TAFA4: variants seen among roughly 807,000 people sequenced by gnomAD.
TAFA4 encodes TAFA chemokine like family member 4, also known as chemokine-like protein TAFA-4.
Under a neutral mutation model 21.1 loss-of-function variants are expected in TAFA4, and 20 were observed. The observed-to-expected ratio is 0.95, with a 90% CI of 0.67 to 1.38. The LOEUF is 1.38. Ranked by LOEUF, TAFA4 falls within the 40% of genes most tolerant of loss-of-function variation. The probability of loss-of-function intolerance (pLI) is 0.00; values close to 1 mark genes in which losing one functional copy is unlikely to be tolerated. For synonymous variants in TAFA4, 71 were observed against 67.4 expected, an observed-to-expected ratio of 1.05 and a Z score of -0.26; for missense variants, 211 against 180.9, an observed-to-expected ratio of 1.17 and a Z score of -0.95.
At chr3:68,746,020 C>A (rs1421235834) in intron 4 of TAFA4, among the ~76,000 whole-genome samples, 1 of 152,174 alleles carries the variant, frequency 6.6e-6, no homozygotes, top group Non-Finnish European at 1.5e-5. Flanking sequence ...CACCTGCCAG[C>A]ACAGCTAGGA....
chr3:68,876,915 C>T (rs1006336935), intron 3 of TAFA4, among the ~76,000 whole-genome samples: 4 of 152,156 alleles, frequency 2.6e-5, no homozygotes, highest in African/African-American at 7.2e-5. Flanking sequence ...TTATTATAAC[C>T]GTGAGACTTA....
At chr3:68,771,743 AACG>A (rs998668375) in intron 3 of TAFA4, among the ~76,000 whole-genome samples, 36 of 140,548 alleles carry the variant, frequency 2.6e-4, no homozygotes, top group African/African-American at 1.2e-3. Context: ...CTAACCACAC[AACG>A]CCTTTCTAGA....
chr3:68,791,634 A>G (rs970930492), intron 3 of TAFA4, among the ~76,000 whole-genome samples: 1 of 152,234 alleles, frequency 6.6e-6, no homozygotes, highest in Non-Finnish European at 1.5e-5. Context: ...AGAAAATAAG[A>G]AAATAAATGA....
At chr3:68,862,645 G>A (rs2089360618) in intron 3 of TAFA4, among the ~76,000 whole-genome samples, 1 of 151,976 alleles carries the variant, frequency 6.6e-6, no homozygotes, top group Non-Finnish European at 1.5e-5. Context: ...GCCACCTTCT[G>A]AGCTATCAAC....
intron 4 of TAFA4, among the ~76,000 whole-genome samples, chr3:68,751,968 T>TA (rs1178290313): frequency 1.3e-5 from 2 of 152,192 alleles, no homozygotes; most frequent in South Asian, 2.1e-4. Flanking sequence ...ATGGTGCTGA[T>TA]GTATACCACT....
chr3:68,761,216 C>T (rs950524493), intron 3 of TAFA4, among the ~76,000 whole-genome samples: 3 of 152,174 alleles, frequency 2.0e-5, no homozygotes, highest in African/African-American at 2.4e-5. Context: ...CAGTGAACTA[C>T]TTGAAACACT....
chr3:68,929,767 C>T (rs2090142621), intron 1 of TAFA4, among the ~76,000 whole-genome samples: 1 of 152,178 alleles, frequency 6.6e-6, no homozygotes, highest in Admixed American at 6.5e-5. Flanking sequence ...TAAGCTAAGC[C>T]TCTTAGTATA....
intron 3 of TAFA4, among the ~76,000 whole-genome samples, chr3:68,817,596 A>C (rs1040351849): frequency 3.9e-5 from 6 of 152,206 alleles, no homozygotes; most frequent in African/African-American, 1.2e-4. Flanking sequence ...GTATTTCTTA[A>C]GTAATAAGAC....
intron 3 of TAFA4, among the ~76,000 whole-genome samples, chr3:68,782,227 C>T (rs999024195): frequency 3.9e-5 from 6 of 151,978 alleles, no homozygotes; most frequent in Admixed American, 6.6e-5. Flanking sequence ...ACCAAATGGT[C>T]GAGAAGCATA....
At chr3:68,818,582 T>C (rs916181740) in intron 3 of TAFA4, among the ~76,000 whole-genome samples, 5 of 152,196 alleles carry the variant, frequency 3.3e-5, no homozygotes, top group Non-Finnish European at 7.3e-5. Context: ...GACTCTTCCT[T>C]TCACTTGAAG....
rs891755372 is a variant in TAFA4 at position 68,923,318 on chromosome 3, G to C, written c.-123+8922C>G. On this transcript the variant is annotated intron_variant, in intron 1 of 5. Transcript: ENST00000295569. Reference sequence around the variant, plus strand: ...ACTGATCAATTGTTAATTCTATAAAGTGACTAAACGTGCCTTCCTTTGTAA... The same window carrying C: ...ACTGATCAATTGTTAATTCTATAAACTGACTAAACGTGCCTTCCTTTGTAA... Among the ~76,000 whole-genome samples the C allele has an allele frequency of 5.3e-5, 8 of 152,256 alleles. No individual in the cohort carries two copies. In the South Asian group the frequency reaches 8.3e-4, roughly 16 times the overall value.
At chr3:68,898,526 C>T (rs774127478) in intron 1 of TAFA4, among the ~76,000 whole-genome samples, 4 of 152,148 alleles carry the variant, frequency 2.6e-5, no homozygotes, top group Non-Finnish European at 4.4e-5. Flanking sequence ...TGCGCCTATA[C>T]TCCCAGCTAC....
intron 3 of TAFA4, among the ~76,000 whole-genome samples, chr3:68,809,484 A>G: frequency 6.6e-6 from 1 of 151,626 alleles, no homozygotes; most frequent in Admixed American, 6.6e-5. Flanking sequence ...TTAAATAGTG[A>G]AATCTAAAAT....
At chr3:68,900,945 G>A (rs2089839225) in intron 1 of TAFA4, among the ~76,000 whole-genome samples, 2 of 152,162 alleles carry the variant, frequency 1.3e-5, no homozygotes. Flanking sequence ...GAAAGGGCAG[G>A]GCAGCATGGT....
Position 68,733,060 on chromosome 3 carries a change from C to T in TAFA4, c.*82G>A, listed in dbSNP as rs981209627. The stretch of plus-strand genomic sequence containing the variant: ...TGCTGAAATCCTAGACAATTTTCTG[C>T]AAAGGGGCCATGATGGGAATCCAAG... On this transcript the variant is annotated 3_prime_UTR_variant, in exon 6 of 6. Transcript: ENST00000295569. 2.5e-6 allele frequency: 4 copies of T among 1,583,114 alleles called. No homozygotes were observed. Among genetic ancestry groups the T allele is most frequent in the Non-Finnish European group, 3.4e-6 (4 of 1,159,538 alleles).
At chr3:68,786,157 TA>T (rs1703256795) in intron 3 of TAFA4, among the ~76,000 whole-genome samples, 1 of 152,142 alleles carries the variant, frequency 6.6e-6, no homozygotes, top group Non-Finnish European at 1.5e-5. Flanking sequence ...TGTGTTTTTT[TA>T]AAAAAGTAGA....
At chr3:68,882,807 G>A (rs2089632663) in intron 2 of TAFA4, among the ~76,000 whole-genome samples, 1 of 152,162 alleles carries the variant, frequency 6.6e-6, no homozygotes, top group Non-Finnish European at 1.5e-5. Context: ...TGTTTCTAGA[G>A]TTTCTGTCCT....
chr3:68,799,037 G>A (rs1004472237), intron 3 of TAFA4, among the ~76,000 whole-genome samples: 4 of 152,110 alleles, frequency 2.6e-5, no homozygotes, highest in African/African-American at 9.7e-5. Context: ...TACTTTCTAG[G>A]TGACAGGGAG....
intron 3 of TAFA4, 76 bp from the exon 4 acceptor site, chr3:68,753,094 T>C: frequency 7.2e-7 from 1 of 1,386,230 alleles, no homozygotes; most frequent in South Asian, 1.3e-5. Flanking sequence ...AAAATGATGC[T>C]ATGATGACAT....
Sources: allele counts gnomAD v4.1 joint callset (sites outside exome capture counted in the v4.1 genomes callset), GRCh38; gene constraint gnomAD v4.1.1; transcripts MANE v1.5; gene names NCBI Gene and HGNC (gene_info 2026-07-23, HGNC 2026-07-21).